The following TTC17 variants were observed in gnomAD, a reference collection of about 807,000 sequenced individuals.
The protein encoded by TTC17 is tetratricopeptide repeat protein 17.
A neutral mutation model predicts 143.8 loss-of-function variants in TTC17; 58 were observed. The ratio of observed to expected loss-of-function variants is 0.40; its 90% confidence interval spans 0.33 to 0.50. The LOEUF (loss-of-function observed/expected upper bound fraction) is 0.50, where lower values mean the gene tolerates loss of function less well. Among genes scored for constraint, TTC17 ranks in the 20% least tolerant of loss-of-function variants. The pLI is 0.49. For synonymous variants in TTC17, 501 were observed against 497.8 expected, an observed-to-expected ratio of 1.01 and a Z score of -0.09; for missense variants, 1,273 against 1,392.5, an observed-to-expected ratio of 0.91 and a Z score of 1.37.
intron 1 of TTC17, among the ~76,000 whole-genome samples, chr11:43,373,998 A>G (rs1295473135): frequency 1.3e-5 from 2 of 152,152 alleles, no homozygotes; most frequent in Non-Finnish European, 2.9e-5. Context: ...CCAAATAGTC[A>G]TCAGTGAATG....
intron 16 of TTC17, among the ~76,000 whole-genome samples, chr11:43,419,893 C>T (rs944007524): frequency 1.3e-5 from 2 of 152,138 alleles, no homozygotes; most frequent in African/African-American, 4.8e-5. Flanking sequence ...AGTTAGGTCA[C>T]CTCCATTTAT....
intron 16 of TTC17, among the ~76,000 whole-genome samples, chr11:43,424,539 G>A (rs1230916007): frequency 6.6e-6 from 1 of 152,086 alleles, no homozygotes; most frequent in African/African-American, 2.4e-5. Context: ...GGAGGCCGAG[G>A]CAGGCGGATC....
intron 1 of TTC17, among the ~76,000 whole-genome samples, chr11:43,362,684 T>G (rs1418044573): frequency 6.6e-6 from 1 of 152,152 alleles, no homozygotes; most frequent in African/African-American, 2.4e-5. Flanking sequence ...TCCCATGCAT[T>G]GCAGCCTTAA....
chr11:43,386,955 A>G (rs958293908), intron 2 of TTC17, among the ~76,000 whole-genome samples: 25 of 151,986 alleles, frequency 1.6e-4, no homozygotes, highest in Admixed American at 3.3e-4. Context: ...ATACTTGGCT[A>G]ACTTTGTTTC....
intron 16 of TTC17, chr11:43,436,293 T>TTGC: frequency 7.5e-7 from 1 of 1,332,436 alleles, no homozygotes; most frequent in South Asian, 2.3e-5. Flanking sequence ...GTATTCTCTG[T>TTGC]TGAGAATTCA....
intron 1 of TTC17, among the ~76,000 whole-genome samples, chr11:43,361,484 T>TAG: frequency 6.6e-6 from 1 of 152,336 alleles, no homozygotes; most frequent in East Asian, 1.9e-4. Context: ...TCACAATACT[T>TAG]ACATTAGCCA....
Position 43,493,977 on chromosome 11 carries a change from G to A in TTC17, c.*73G>A. Reference sequence around the variant, plus strand: ...AGAATAAGAAAAGAAACCAATCATTGTCAGTATCTACTATTAATGATGTGT... The same window carrying A: ...AGAATAAGAAAAGAAACCAATCATTATCAGTATCTACTATTAATGATGTGT... On this transcript the variant is annotated 3_prime_UTR_variant, in exon 24 of 24. Coordinates refer to ENST00000039989, the MANE Select transcript of TTC17 (RefSeq NM_018259.6). The A allele has an allele frequency of 1.3e-6, 2 of 1,490,428 alleles. No homozygotes were observed. The highest frequency in any genetic ancestry group is 9.0e-7 in the Non-Finnish European group (1 of 1,113,786). 92.3% of individuals were successfully genotyped at this position (1,490,428 alleles called of 1,614,324 possible). A position where few individuals can be genotyped will look rare whatever the true frequency, so the allele number is the denominator to read the frequency against.
intron 15 of TTC17, 29 bp downstream of exon 15, chr11:43,407,606 G>A (rs779158230): frequency 1.3e-5 from 21 of 1,576,272 alleles, no homozygotes; most frequent in South Asian, 8.9e-5. Context: ...TCATAGTTCC[G>A]TATACTATGT....
Position 43,407,538 on chromosome 11 carries a change from T to A in TTC17, c.2025T>A (p.Thr675=), listed in dbSNP as rs1248266160. 6.2e-7 allele frequency: 1 copy of A among 1,613,888 alleles called. No individual in the cohort carries two copies. The highest frequency in any genetic ancestry group is 2.2e-5 in the East Asian group (1 of 44,876). The stretch of plus-strand genomic sequence containing the variant: ...ATTACGGCCTTCATCTTGATGCCAC[T>A]AAGCTGCTACTTCAAGCTTTGGCCA... ...LIHYGLHLDA[T]KLLLQALAIN... Residue 675 remains threonine, a synonymous_variant, in exon 15 of 24, where the codon ACT becomes ACA. Coordinates refer to ENST00000039989, the MANE Select transcript of TTC17 (RefSeq NM_018259.6).
intron 21 of TTC17, among the ~76,000 whole-genome samples, chr11:43,470,950 T>C (rs1020372858): frequency 3.3e-5 from 5 of 152,252 alleles, no homozygotes; most frequent in African/African-American, 9.6e-5. Flanking sequence ...GCTTCAGCCT[T>C]TAAAATACTA....
intron 21 of TTC17, among the ~76,000 whole-genome samples, chr11:43,470,653 G>A (rs968758061): frequency 6.6e-6 from 1 of 152,170 alleles, no homozygotes; most frequent in Admixed American, 6.5e-5. Flanking sequence ...TCCATTTTAG[G>A]CTCACGGACG....
At chr11:43,461,771 G>A (rs1449600610) in intron 21 of TTC17, among the ~76,000 whole-genome samples, 2 of 151,834 alleles carry the variant, frequency 1.3e-5, no homozygotes, top group Admixed American at 6.6e-5. Flanking sequence ...ATGATGAGAG[G>A]GAAGCAAATA....
At position 43,450,129 on chromosome 11, in the gene TTC17, T is replaced by C. The variant is rs780412049; in HGVS notation, c.2834T>C (p.Met945Thr). 11 of 1,614,034 alleles carry C rather than the reference T, an allele frequency of 6.8e-6. No individual in the cohort carries two copies. The highest frequency in any genetic ancestry group is 3.3e-5 in the Admixed American group (2 of 60,002). ...GCCACCCCTATACAGCAGCCAGCAA[T>C]GGAGCCTCTTTGCAATGGCAATCTC... ...DFATPIQQPAMEPLCNGNLPT... is the reference protein window; with the variant it reads ...DFATPIQQPATEPLCNGNLPT... The change falls in exon 20 of 24, where the codon ATG becomes ACG. Residue 945 changes from methionine to threonine, a missense_variant. Met to Thr is a moderately conservative substitution (Grantham distance 81). Transcript: ENST00000039989.
intron 5 of TTC17, among the ~76,000 whole-genome samples, chr11:43,394,678 C>A (rs567509254): frequency 3.9e-5 from 6 of 152,130 alleles, no homozygotes; most frequent in African/African-American, 1.4e-4. Flanking sequence ...ATTCGAAATA[C>A]CTATATGAGT....
rs553825418 is a variant in TTC17, at chr11:43,451,100, A to G, written c.2947-82A>G. The G allele has an allele frequency of 1.7e-4, 235 of 1,357,258 alleles. 2 individuals are homozygous for G. In the South Asian group the frequency reaches 2.7e-3, roughly 16 times the overall value. The allele number at this position is 1,357,258 out of a possible 1,614,324, so 84.1% of individuals were successfully genotyped here. ...GAAAAACAGTTTGCCTCTGTGGTAC[A>G]GTGCCCAACTCAGCATTAGCAGTAT... On this transcript the variant is annotated intron_variant, in intron 20 of 23. Coordinates refer to ENST00000039989, the MANE Select transcript of TTC17 (RefSeq NM_018259.6).
intron 16 of TTC17, among the ~76,000 whole-genome samples, chr11:43,438,071 A>G (rs1947331258): frequency 6.6e-6 from 1 of 152,240 alleles, no homozygotes; most frequent in African/African-American, 2.4e-5. Flanking sequence ...AATTGTAAGC[A>G]TATCTGCAGC....
intron 1 of TTC17, among the ~76,000 whole-genome samples, chr11:43,376,318 A>G (rs1225127330): frequency 9.9e-5 from 15 of 152,242 alleles, no homozygotes. Context: ...ATAGAATTCC[A>G]TAGAGCCTAA....
intron 23 of TTC17, 76 bp from the exon 24 acceptor site, chr11:43,493,697 T>C: frequency 6.2e-7 from 1 of 1,606,196 alleles, no homozygotes; most frequent in Non-Finnish European, 8.5e-7. Flanking sequence ...AGGTGCTTCT[T>C]GAGAAAAAAG....
In TTC17 at chr11:43,405,903, G is replaced by A; in HGVS notation, c.1713G>A (p.Glu571=). ...TGTCCTACTTAGTCAAAGAATTAGA[G>A]GTTCGCATGGATCTGAAAGCCAAAA... is the stretch of plus-strand genomic sequence containing the variant. The part of the protein sequence containing the change: ...HTLSYLVKEL[E]VRMDLKAKMP... The change falls in exon 13 of 24, where the codon GAG becomes GAA. Residue 571 remains glutamate, a synonymous_variant. Coordinates refer to ENST00000039989, the MANE Select transcript of TTC17 (RefSeq NM_018259.6). The A allele has an allele frequency of 6.2e-7, 1 of 1,613,816 alleles. No homozygotes were observed. Among genetic ancestry groups the A allele is most frequent in the Non-Finnish European group, 8.5e-7 (1 of 1,179,906 alleles).
Sources: allele counts gnomAD v4.1 joint callset (sites outside exome capture counted in the v4.1 genomes callset), GRCh38; gene constraint gnomAD v4.1.1; transcripts MANE v1.5; gene names NCBI Gene and HGNC (gene_info 2026-07-23, HGNC 2026-07-21).